GPLD1: variants seen among roughly 807,000 people sequenced by gnomAD.
GPLD1 encodes glycosylphosphatidylinositol specific phospholipase D1.
A neutral mutation model predicts 112.6 loss-of-function variants in GPLD1; 84 were observed. The observed-to-expected ratio is 0.75, with a 90% CI of 0.63 to 0.89. The LOEUF (loss-of-function observed/expected upper bound fraction) is 0.89, where lower values mean the gene tolerates loss of function less well. Among genes scored for constraint, GPLD1 ranks in the 40% least tolerant of loss-of-function variants. The pLI, the probability that GPLD1 is intolerant of heterozygous loss-of-function variation, is 0.00. For missense variants in GPLD1, 1,044 were observed against 1,051.5 expected (o/e 0.99, Z 0.10); for synonymous variants, 386 against 403.8 (o/e 0.96, Z 0.53).
chr6:24,476,065 A>T, intron 4 of GPLD1, 116 bp downstream of exon 4: 1 of 618,444 alleles, frequency 1.6e-6, no homozygotes, highest in Non-Finnish European at 2.9e-6. Flanking sequence ...ATGACACTGA[A>T]GGTGGAATGG....
intron 14 of GPLD1, among the ~76,000 whole-genome samples, chr6:24,452,773 C>CAAAAA (rs57715891): frequency 7.3e-6 from 1 of 136,464 alleles, no homozygotes; most frequent in Non-Finnish European, 1.6e-5. Context: ...GAGTTTATCT[C>CAAAAA]AAAAAAAAAA....
intron 7 of GPLD1, among the ~76,000 whole-genome samples, chr6:24,472,356 T>C (rs1763853719): frequency 6.6e-6 from 1 of 152,188 alleles, no homozygotes; most frequent in African/African-American, 2.4e-5. Context: ...GTTAAGATGA[T>C]CATTTTGAAA....
intron 3 of GPLD1, 92 bp downstream of exon 3, chr6:24,479,789 T>G: frequency 1.5e-6 from 1 of 660,274 alleles, no homozygotes; most frequent in East Asian, 2.7e-5. Flanking sequence ...AAAAATATAT[T>G]GTACACACAT....
chr6:24,470,847 C>A (rs1763793287), intron 7 of GPLD1, among the ~76,000 whole-genome samples: 1 of 152,184 alleles, frequency 6.6e-6, no homozygotes, highest in Admixed American at 6.6e-5. Flanking sequence ...GATTCACCTG[C>A]CTCACCCTCC....
Position 24,437,221 on chromosome 6 carries a change from G to A in GPLD1, c.2089C>T (p.Leu697Phe), listed in dbSNP as rs1159286565. The A allele has an allele frequency of 1.2e-6, 2 of 1,614,030 alleles. No homozygotes were observed. The highest frequency in any genetic ancestry group is 1.7e-6 in the Non-Finnish European group (2 of 1,179,970). The change falls in exon 21 of 25, where the codon CTC becomes TTC. Residue 697 changes from leucine to phenylalanine, a missense_variant. Physicochemically the swap from Leu to Phe is conservative, Grantham distance 22. Transcript: ENST00000230036. ...AGCAGAGGCTGCGCGTCAGATGTGA[G>A]TGCGTACATGCGAGTGGCTCCGCCT... ...HQGGATRMYA[L>F]TSDAQPLLLS...
intron 20 of GPLD1, among the ~76,000 whole-genome samples, chr6:24,439,340 T>C (rs866905812): frequency 6.6e-6 from 1 of 152,210 alleles, no homozygotes; most frequent in Non-Finnish European, 1.5e-5. Flanking sequence ...GGGCTGCCCA[T>C]TGAGACTGTG....
At chr6:24,433,688 T>G in intron 22 of GPLD1, 1 of 283,524 alleles carries the variant, frequency 3.5e-6, no homozygotes. Flanking sequence ...AGAGAGGCGG[T>G]TTCACCACGT....
rs1254149217 is a variant in GPLD1, at chr6:24,476,263, A to G, written c.248T>C (p.Val83Ala). The G allele has an allele frequency of 1.4e-5, 21 of 1,545,222 alleles. No individual in the cohort carries two copies. Among genetic ancestry groups the G allele is most frequent in the Non-Finnish European group, 1.7e-5 (19 of 1,133,032 alleles). ...SICKGGKFHD[V>A]SESTHWTPFL... Reference sequence around the variant, plus strand: ...CGGAGTCCAGTGAGTGCTCTCAGACACATCATGGAATTTTCCTGACAAAAC... The same window carrying G: ...CGGAGTCCAGTGAGTGCTCTCAGACGCATCATGGAATTTTCCTGACAAAAC... Residue 83 changes from valine (V) to alanine (A), a missense_variant, in exon 4 of 25, where the codon GTG becomes GCG. Physicochemically the swap from Val to Ala is moderately conservative, Grantham distance 64 (BLOSUM62 0). Coordinates refer to ENST00000230036, the MANE Select transcript of GPLD1 (RefSeq NM_001503.4).
chr6:24,438,791 CTTTT>C (rs67622968), intron 20 of GPLD1, among the ~76,000 whole-genome samples: 1 of 150,686 alleles, frequency 6.6e-6, no homozygotes, highest in Admixed American at 6.6e-5. Context: ...ATTCCTTTTT[CTTTT>C]TTTATTATTG....
chr6:24,438,446 C>T (rs1762646452), intron 20 of GPLD1, among the ~76,000 whole-genome samples: 1 of 152,192 alleles, frequency 6.6e-6, no homozygotes, highest in Non-Finnish European at 1.5e-5. Flanking sequence ...TGGATACAAT[C>T]TCACGTCAGC....
intron 10 of GPLD1, among the ~76,000 whole-genome samples, chr6:24,463,185 TTTC>T (rs1484097927): frequency 2.7e-5 from 3 of 111,732 alleles, no homozygotes; most frequent in Non-Finnish European, 3.8e-5. Flanking sequence ...CTCAATTTCA[TTTC>T]TTTAAAAAAA....
intron 13 of GPLD1, among the ~76,000 whole-genome samples, chr6:24,455,865 A>G (rs1763248561): frequency 6.6e-6 from 1 of 152,182 alleles, no homozygotes; most frequent in South Asian, 2.1e-4. Context: ...CATTGTTACA[A>G]TAACTTAACC....
At chr6:24,480,836 C>T (rs1412266137) in intron 2 of GPLD1, among the ~76,000 whole-genome samples, 1 of 152,206 alleles carries the variant, frequency 6.6e-6, no homozygotes, top group African/African-American at 2.4e-5. Context: ...TCTCAGCTCA[C>T]AGTCTGATAT....
intron 14 of GPLD1, among the ~76,000 whole-genome samples, chr6:24,450,987 A>C (rs1763061067): frequency 6.6e-6 from 1 of 152,198 alleles, no homozygotes; most frequent in African/African-American, 2.4e-5. Context: ...CAAACACACA[A>C]ACAGAATAAA....
At position 24,475,229 on chromosome 6, in the gene GPLD1, G is replaced by A; in HGVS notation, c.333C>T (p.Asp111=). The A allele has an allele frequency of 1.3e-6, 2 of 1,567,466 alleles. No homozygotes were observed. Among genetic ancestry groups the A allele is most frequent in the Non-Finnish European group, 8.8e-7 (1 of 1,137,540 alleles). The change falls in exon 5 of 25, where the codon GAC becomes GAT. Residue 111 remains aspartate (D), a splice_region_variant and synonymous_variant. Transcript: ENST00000230036. ...RENYPLPWEK[D]TEKLVAFLFG... ...ACAAGAAAGCTACCAGTTTCTCTGTGTCCTGCCAAACAAGCAAATTAGAGT... is the reference window on the plus strand; with the variant it reads ...ACAAGAAAGCTACCAGTTTCTCTGTATCCTGCCAAACAAGCAAATTAGAGT...
intron 12 of GPLD1, among the ~76,000 whole-genome samples, chr6:24,457,307 C>A (rs1428523707): frequency 6.6e-6 from 1 of 151,946 alleles, no homozygotes; most frequent in Non-Finnish European, 1.5e-5. Flanking sequence ...TGGAGAAACC[C>A]CATCTCAACA....
chr6:24,470,769 T>C (rs1347188568), intron 7 of GPLD1, among the ~76,000 whole-genome samples: 1 of 152,068 alleles, frequency 6.6e-6, no homozygotes, highest in Non-Finnish European at 1.5e-5. Flanking sequence ...AGGCTAATTT[T>C]TGTAGTTTTA....
intron 3 of GPLD1, among the ~76,000 whole-genome samples, chr6:24,477,782 A>C (rs1054357222): frequency 6.6e-6 from 1 of 152,230 alleles, no homozygotes; most frequent in African/African-American, 2.4e-5. Flanking sequence ...TTGGCAATTA[A>C]GTATCTAAGA....
intron 10 of GPLD1, among the ~76,000 whole-genome samples, chr6:24,465,656 T>A (rs780145578): frequency 1.3e-4 from 19 of 151,656 alleles, no homozygotes; most frequent in Non-Finnish European, 2.2e-4. Flanking sequence ...TCTGTGAGAG[T>A]CTAATGATCT....
Sources: allele counts gnomAD v4.1 joint callset (sites outside exome capture counted in the v4.1 genomes callset), GRCh38; gene constraint gnomAD v4.1.1; transcripts MANE v1.5; gene names NCBI Gene and HGNC (gene_info 2026-07-23, HGNC 2026-07-21).